CLCN1: variants seen among roughly 807,000 people sequenced by gnomAD.
CLCN1 encodes chloride channel protein 1.
A neutral mutation model predicts 114.5 loss-of-function variants in CLCN1; 100 were observed. The ratio of observed to expected loss-of-function variants is 0.87; its 90% CI spans 0.74 to 1.03. CLCN1 has a LOEUF of 1.03. Among genes scored for constraint, CLCN1 ranks in the 50% least tolerant of loss-of-function variants. CLCN1 has a pLI of 0.00. For synonymous variants in CLCN1, 485 were observed against 487.1 expected, an observed-to-expected ratio of 1.00 and a Z score of 0.06; for missense variants, 1,188 against 1,250.0, an observed-to-expected ratio of 0.95 and a Z score of 0.75.
Position 143,316,121 on chromosome 7 carries a change from G to C in CLCN1, c.-92G>C, listed in dbSNP as rs1030774573. The C allele has an allele frequency of 9.5e-7, 1 of 1,055,836 alleles. No individual in the cohort carries two copies. Among genetic ancestry groups the C allele is most frequent in the African/African-American group, 1.5e-5 (1 of 64,708 alleles). The allele number at this position is 1,055,836 out of a possible 1,614,324, so 65.4% of individuals were successfully genotyped here. A position where few individuals can be genotyped will look rare whatever the true frequency, so the allele number is the denominator to read the frequency against. Reference sequence around the variant, plus strand: ...TGGGCATGCTGCCCCAGACGCCTTGGGGACAGCAAGAGCAGAGGCTTAAGG... The same window carrying C: ...TGGGCATGCTGCCCCAGACGCCTTGCGGACAGCAAGAGCAGAGGCTTAAGG... On this transcript the variant is annotated 5_prime_UTR_variant, in exon 1 of 23. Transcript: ENST00000343257.
At position 143,324,562 on chromosome 7, in the gene CLCN1, A is replaced by G. The variant is rs531324480; in HGVS notation, c.853+70A>G. The G allele has an allele frequency of 3.5e-5, 40 of 1,142,362 alleles. No individual in the cohort carries two copies. The highest frequency in any genetic ancestry group is 5.2e-5 in the Non-Finnish European group (39 of 752,230). The allele number at this position is 1,142,362 out of a possible 1,614,324, so 70.8% of individuals were successfully genotyped here. ...GGCTCCCAAAACAGTTTTAATCAGT[A>G]TCCACAAGTGCTGGTATTACCAGGT... On this transcript the variant is annotated intron_variant, in intron 7 of 22. Transcript: ENST00000343257. The surrounding 1 kb of genome is among the most constrained non-coding windows in gnomAD (Gnocchi z 4.6).
chr7:143,334,584 A>T (rs1586501876), intron 12 of CLCN1, among the ~76,000 whole-genome samples: 1 of 152,182 alleles, frequency 6.6e-6, no homozygotes, highest in African/African-American at 2.4e-5. Context: ...AAAAATTTTT[A>T]AATATTTTAA....
chr7:143,341,374 C>T (rs1475010423), intron 14 of CLCN1, among the ~76,000 whole-genome samples: 2 of 152,042 alleles, frequency 1.3e-5, no homozygotes, highest in African/African-American at 4.8e-5. Context: ...GCCTGGCCAA[C>T]ATGACAAAAC....
At position 143,321,334 on chromosome 7, in the gene CLCN1, T is replaced by A. The variant is rs1802425751; in HGVS notation, c.434-31T>A. ...CGTGGACACGGCTGCTCAGCCATGT[T>A]CTGCCTAACCCCAGGCATGTGTCTC... On this transcript the variant is annotated intron_variant, in intron 3 of 22. Coordinates refer to ENST00000343257, the MANE Select transcript of CLCN1 (RefSeq NM_000083.3). The surrounding 1 kb of genome is among the most constrained non-coding windows in gnomAD (Gnocchi z 4.2). 3.7e-6 allele frequency: 6 copies of A among 1,613,660 alleles called. No individual in the cohort carries two copies. The highest frequency in any genetic ancestry group is 4.2e-6 in the Non-Finnish European group (5 of 1,179,892).
rs994097227 is a variant in CLCN1, at chr7:143,339,862, A to G, written c.1582+241A>G. ...ATCATAGGGATCAAATGAGATCATA[A>G]GATTCTAGGATTGTGTCTGGATGTT... On this transcript the variant is annotated intron_variant, in intron 14 of 22. Transcript: ENST00000343257. The surrounding 1 kb of genome is among the most constrained non-coding windows in gnomAD (Gnocchi z 4.1). Among the ~76,000 whole-genome samples the G allele has an allele frequency of 3.9e-5, 6 of 152,214 alleles. No homozygotes were observed. The highest frequency in any genetic ancestry group is 1.2e-4 in the African/African-American group (5 of 41,452).
intron 1 of CLCN1, among the ~76,000 whole-genome samples, chr7:143,318,252 C>G (rs780475997): frequency 6.6e-6 from 1 of 151,666 alleles, no homozygotes; most frequent in Non-Finnish European, 1.5e-5. Context: ...GATGGAGTTT[C>G]GCTCTTGTTG....
chr7:143,331,523 A>G (rs1197385679), intron 9 of CLCN1, 28 bp from the exon 10 acceptor site: 1 of 1,506,202 alleles, frequency 6.6e-7, no homozygotes, highest in Non-Finnish European at 9.2e-7. Context: ...TGTCTGTAAG[A>G]TTCCAACTCT....
Position 143,324,359 on chromosome 7 carries a change from G to A in CLCN1, c.775-55G>A. The A allele has an allele frequency of 1.5e-6, 2 of 1,331,274 alleles. No individual in the cohort carries two copies. The highest frequency in any genetic ancestry group is 2.2e-6 in the Non-Finnish European group (2 of 923,170). 82.5% of individuals were successfully genotyped at this position (1,331,274 alleles called of 1,614,324 possible). A position where few individuals can be genotyped will look rare whatever the true frequency, so the allele number is the denominator to read the frequency against. Reference sequence around the variant, plus strand: ...CCCATCCCTGCTTGTTCTGTCCTCTGCCTGCCCACCTCCCTCTCTTCCACC... The same window carrying A: ...CCCATCCCTGCTTGTTCTGTCCTCTACCTGCCCACCTCCCTCTCTTCCACC... On this transcript the variant is annotated intron_variant, in intron 6 of 22. Transcript: ENST00000343257. This position sits in a 1 kb window ranked among gnomAD's most constrained non-coding sequence, Gnocchi z 4.6.
In CLCN1 at chr7:143,324,535, C is replaced by A; in HGVS notation, c.853+43C>A. 6.8e-7 allele frequency: 1 copy of A among 1,473,916 alleles called. No individual in the cohort carries two copies. The highest frequency in any genetic ancestry group is 9.5e-7 in the Non-Finnish European group (1 of 1,052,502). 91.3% of individuals were successfully genotyped at this position (1,473,916 alleles called of 1,614,324 possible). On this transcript the variant is annotated intron_variant, in intron 7 of 22. Transcript: ENST00000343257. This position sits in a 1 kb window ranked among gnomAD's most constrained non-coding sequence, Gnocchi z 4.6. ...TCCCCCATCAATCGGCTTGCCTGGCCTGGCTCCCAAAACAGTTTTAATCAG... is the reference window on the plus strand; with the variant it reads ...TCCCCCATCAATCGGCTTGCCTGGCATGGCTCCCAAAACAGTTTTAATCAG...
At chr7:143,341,844 C>G (rs1455937759) in intron 14 of CLCN1, 85 bp from the exon 15 acceptor site, 2 of 1,040,004 alleles carry the variant, frequency 1.9e-6, no homozygotes, top group African/African-American at 3.1e-5. Context: ...TCTCTCATTC[C>G]GTGTTATTCC....
At chr7:143,319,962 G>A (rs1057303814) in intron 2 of CLCN1, 87 bp downstream of exon 2, 60 of 1,380,048 alleles carry the variant, frequency 4.3e-5, no homozygotes, top group African/African-American at 8.6e-5. Flanking sequence ...TTGCACGTAC[G>A]TACTCCCTGC....
At chr7:143,330,124 G>A (rs1275368668) in intron 7 of CLCN1, among the ~76,000 whole-genome samples, 3 of 151,962 alleles carry the variant, frequency 2.0e-5, no homozygotes, top group Non-Finnish European at 4.4e-5. Context: ...CCCTTGCGTT[G>A]GTCCTTTTAA....
chr7:143,317,206 CAG>C (rs1586480354), intron 1 of CLCN1, among the ~76,000 whole-genome samples: 1 of 150,194 alleles, frequency 6.7e-6, no homozygotes, highest in East Asian at 1.9e-4. Flanking sequence ...CAGAGAATAA[CAG>C]AGGATAGAAT....
In CLCN1 at chr7:143,345,670, G is replaced by T; in HGVS notation, c.2080G>T (p.Gly694Trp). 1 of 1,564,230 alleles carries T rather than the reference G, an allele frequency of 6.4e-7. No homozygotes were observed. Residue 694 changes from glycine to tryptophan, a missense_variant, in exon 17 of 23, where the codon GGG (glycine) becomes TGG (tryptophan). By Grantham distance (184) the Gly-to-Trp change is radical. Transcript: ENST00000343257. ...LPYDGKARLA[G>W]EGLPGAPPGR... ...TTACGACGGGAAGGCGCGGCTGGCT[G>T]GGGAGGGGCTCCCCGGCGCGCCTCC...
At chr7:143,323,731 T>C (rs571531164) in intron 6 of CLCN1, 9 of 499,754 alleles carry the variant, frequency 1.8e-5, no homozygotes, top group South Asian at 3.1e-5. Flanking sequence ...CATCCCTTTG[T>C]AGCTCCCAAT....
rs1430763492 is a variant in CLCN1, at chr7:143,320,667, G to T, written c.305G>T (p.Cys102Phe). 2 of 1,609,940 alleles carry T rather than the reference G, an allele frequency of 1.2e-6. No individual in the cohort carries two copies. Among genetic ancestry groups the T allele is most frequent in the African/African-American group, 1.3e-5 (1 of 74,408 alleles). ...TTTTTCCCTCATCTCTTCCTAGATT[G>T]TATCCACCGCCTGGGACAGGTGGTG... is the stretch of plus-strand genomic sequence containing the variant. ...DEDHYSKCQD[C>F]IHRLGQVVRR... The change falls in exon 3 of 23, where the codon TGT becomes TTT. Residue 102 changes from cysteine to phenylalanine, a missense_variant. By Grantham distance (205) the Cys-to-Phe change is radical. Transcript: ENST00000343257.
chr7:143,332,969 T>C (rs1158730149), intron 12 of CLCN1, 96 bp downstream of exon 12: 15 of 1,331,770 alleles, frequency 1.1e-5, no homozygotes, highest in Non-Finnish European at 1.6e-5. Context: ...AGAACTTCAT[T>C]TGGTCTTCAT....
chr7:143,351,661 G>A lies in CLCN1; in HGVS notation c.2663G>A (p.Arg888Gln), dbSNP rs771890096. Residue 888 changes from arginine to glutamine, a missense_variant, in exon 23 of 23, where the codon CGG (arginine) becomes CAG (glutamine). Coordinates refer to ENST00000343257, the MANE Select transcript of CLCN1 (RefSeq NM_000083.3). ...CTCCGCCCTCCCCTTGCCAGCTTCC[G>A]GAACACGACTTCAACTCGAAAGAGT... ...VQLRPPLASFRNTTSTRKSTG... is the reference protein window; with the variant it reads ...VQLRPPLASFQNTTSTRKSTG... 22 of 1,614,020 alleles carry A rather than the reference G, an allele frequency of 1.4e-5. No individual in the cohort carries two copies. Among genetic ancestry groups the A allele is most frequent in the African/African-American group, 4.0e-5 (3 of 74,902 alleles).
chr7:143,327,406 G>A (rs1586492706), intron 7 of CLCN1, among the ~76,000 whole-genome samples: 1 of 152,172 alleles, frequency 6.6e-6, no homozygotes, highest in East Asian at 1.9e-4. Flanking sequence ...AAATACTGTC[G>A]GGGTGAATTA....
Sources: allele counts gnomAD v4.1 joint callset (sites outside exome capture counted in the v4.1 genomes callset), GRCh38; gene constraint gnomAD v4.1.1; non-coding constraint Gnocchi (gnomAD v3.1); transcripts MANE v1.5; gene names NCBI Gene and HGNC (gene_info 2026-07-23, HGNC 2026-07-21).